Variants in ATP11B observed in about 807,000 individuals in gnomAD.
ATP11B encodes phospholipid-transporting ATPase IF.
Under a neutral mutation model 157.8 loss-of-function variants are expected in ATP11B, and 81 were observed. The observed-to-expected ratio is 0.51, with a 90% CI of 0.43 to 0.62. ATP11B has a LOEUF of 0.62. ATP11B is among the 20% of genes least tolerant of loss of function. The probability of loss-of-function intolerance (pLI) is 0.00; values close to 1 mark genes in which losing one functional copy is unlikely to be tolerated. For synonymous variants in ATP11B, 451 were observed against 469.4 expected, an observed-to-expected ratio of 0.96 and a Z score of 0.51; for missense variants, 1,165 against 1,402.2, an observed-to-expected ratio of 0.83 and a Z score of 2.70.
intron 20 of ATP11B, among the ~76,000 whole-genome samples, chr3:182,880,539 TTTC>T (rs1348786481): frequency 8.5e-5 from 13 of 152,278 alleles, no homozygotes; most frequent in Admixed American, 7.2e-4. Context: ...GAAAAAATAA[TTTC>T]TTAAGAAAAA....
intron 25 of ATP11B, among the ~76,000 whole-genome samples, chr3:182,894,635 A>G (rs1171429460): frequency 3.9e-5 from 6 of 152,208 alleles, no homozygotes; most frequent in Admixed American, 3.9e-4. Context: ...TTTTACCCAC[A>G]AAAAGCTATG....
chr3:182,873,681 C>A, intron 18 of ATP11B, 131 bp from the exon 19 acceptor site: 1 of 712,048 alleles, frequency 1.4e-6, no homozygotes, highest in Non-Finnish European at 2.3e-6. Flanking sequence ...AGTTATATTG[C>A]TATATTGTAT....
intron 28 of ATP11B, among the ~76,000 whole-genome samples, chr3:182,907,307 C>T (rs929352940): frequency 1.3e-5 from 2 of 152,146 alleles, no homozygotes; most frequent in Non-Finnish European, 2.9e-5. Flanking sequence ...CAAGAAAGTG[C>T]TGTTGTCTCA....
chr3:182,870,211 A>C (rs975433542), intron 17 of ATP11B, among the ~76,000 whole-genome samples: 1 of 152,214 alleles, frequency 6.6e-6, no homozygotes, highest in Non-Finnish European at 1.5e-5. Context: ...CTGTTTGAAG[A>C]GGTGAATTAT....
At chr3:182,836,171 A>G (rs754099518) in intron 5 of ATP11B, 29 bp downstream of exon 5, 4 of 1,592,746 alleles carry the variant, frequency 2.5e-6, no homozygotes, top group Non-Finnish European at 2.6e-6. Flanking sequence ...ATGGAAATCA[A>G]CTTTATCTTG....
chr3:182,809,237 T>A (rs1468444644), intron 1 of ATP11B, among the ~76,000 whole-genome samples: 1 of 151,892 alleles, frequency 6.6e-6, no homozygotes, highest in African/African-American at 2.4e-5. Context: ...TTTTATTTCT[T>A]TTATTTAATT....
At chr3:182,898,238 GC>G (rs1444995559) in intron 27 of ATP11B, among the ~76,000 whole-genome samples, 1 of 152,022 alleles carries the variant, frequency 6.6e-6, no homozygotes, top group Non-Finnish European at 1.5e-5. Flanking sequence ...TTGAAGAAGA[GC>G]CTCTGAATAA....
intron 29 of ATP11B, chr3:182,915,896 A>C: frequency 2.1e-6 from 2 of 965,928 alleles, no homozygotes; most frequent in Non-Finnish European, 2.5e-6. Context: ...AAAATGTTTA[A>C]CTTAGTAATT....
chr3:182,895,389 T>C (rs547182797), intron 25 of ATP11B, among the ~76,000 whole-genome samples: 3 of 152,320 alleles, frequency 2.0e-5, no homozygotes, highest in African/African-American at 7.2e-5. Context: ...ATTTACTGAT[T>C]GCCTATTATA....
chr3:182,818,259 T>C (rs1471325304), intron 1 of ATP11B, among the ~76,000 whole-genome samples: 1 of 152,226 alleles, frequency 6.6e-6, no homozygotes, highest in Non-Finnish European at 1.5e-5. Context: ...TGAACCTCTT[T>C]TGAGAAATAC....
At chr3:182,824,364 G>T (rs1281069815) in intron 2 of ATP11B, among the ~76,000 whole-genome samples, 4 of 152,172 alleles carry the variant, frequency 2.6e-5, no homozygotes, top group African/African-American at 4.8e-5. Flanking sequence ...CTGTTTTGCA[G>T]CCATTGTTGT....
chr3:182,816,610 G>C (rs1424772386), intron 1 of ATP11B, among the ~76,000 whole-genome samples: 2 of 152,260 alleles, frequency 1.3e-5, no homozygotes, highest in South Asian at 2.1e-4. Context: ...GAAGATAAAG[G>C]TGTTACTGAA....
intron 1 of ATP11B, among the ~76,000 whole-genome samples, chr3:182,799,400 C>T (rs1715837166): frequency 2.0e-5 from 3 of 152,070 alleles, no homozygotes; most frequent in Admixed American, 6.5e-5. Context: ...CCTCAGCCTC[C>T]GGAGTAGCTG....
At chr3:182,884,232 T>C (rs1466193312) in intron 21 of ATP11B, among the ~76,000 whole-genome samples, 1 of 152,114 alleles carries the variant, frequency 6.6e-6, no homozygotes, top group Non-Finnish European at 1.5e-5. Flanking sequence ...TTTCAAATGA[T>C]ATTGCTTATT....
intron 1 of ATP11B, among the ~76,000 whole-genome samples, chr3:182,799,837 G>T (rs1291167732): frequency 6.6e-6 from 1 of 152,106 alleles, no homozygotes; most frequent in African/African-American, 2.4e-5. Context: ...TTCTAGGCCA[G>T]GTGTGGTGGC....
chr3:182,801,646 A>T (rs1405011029), intron 1 of ATP11B, among the ~76,000 whole-genome samples: 1 of 152,168 alleles, frequency 6.6e-6, no homozygotes, highest in Non-Finnish European at 1.5e-5. Flanking sequence ...AGTGATTTTG[A>T]AGCAAATCCC....
At chr3:182,881,263 G>A (rs986674945) in intron 21 of ATP11B, among the ~76,000 whole-genome samples, 4 of 152,062 alleles carry the variant, frequency 2.6e-5, no homozygotes, top group Admixed American at 1.3e-4. Context: ...GTGAAACCCC[G>A]TCTCTACTAA....
At chr3:182,914,929 G>A in intron 29 of ATP11B, 1 of 985,320 alleles carries the variant, frequency 1.0e-6, no homozygotes. Context: ...AAATGGGCAG[G>A]GAGAGATGTT....
intron 19 of ATP11B, among the ~76,000 whole-genome samples, chr3:182,877,920 G>T (rs778745100): frequency 1.3e-5 from 2 of 152,124 alleles, no homozygotes; most frequent in Non-Finnish European, 2.9e-5. Context: ...CTAATTTCAT[G>T]TGCCTTGGGA....
Sources: gnomAD v4.1 joint callset for allele counts (sites outside exome capture counted in the v4.1 genomes callset) on GRCh38, gnomAD v4.1.1 for gene constraint, MANE v1.5 for transcripts, NCBI Gene and HGNC (gene_info 2026-07-23, HGNC 2026-07-21) for gene names.